STS: variants seen among roughly 807,000 people sequenced by gnomAD.
The protein encoded by STS is steryl-sulfatase.
STS carries 7 observed loss-of-function variants against 26.8 expected under a neutral mutation model. The observed-to-expected ratio is 0.26, with a 90% CI of 0.15 to 0.49. STS has a LOEUF of 0.49. Ranked by LOEUF, STS falls within the 20% of genes least tolerant of loss-of-function variation. The pLI is 0.98. For missense variants in STS, 434 were observed against 465.6 expected (o/e 0.93, Z 0.63); for synonymous variants, 199 against 189.4 (o/e 1.05, Z -0.42).
intron 2 of STS, among the ~76,000 whole-genome samples, chrX:7,225,596 A>G (rs1921765254): frequency 9.0e-6 from 1 of 111,289 alleles, no homozygotes; most frequent in Non-Finnish European, 1.9e-5. Context: ...TTTGCCTAGT[A>G]CTACCAAAAT....
At chrX:7,264,375 G>A (rs1923898156) in intron 6 of STS, among the ~76,000 whole-genome samples, 1 of 112,760 alleles carries the variant, frequency 8.9e-6, no homozygotes, top group African/African-American at 3.2e-5. Context: ...AGATACTGCA[G>A]AGTTAGTGCC....
At chrX:7,336,239 G>GCCCCCCCCCCCC (rs778077403) in intron 10 of STS, among the ~76,000 whole-genome samples, 73 of 88,637 alleles carry the variant, frequency 8.2e-4, no homozygotes, top group Non-Finnish European at 1.1e-3. Context: ...ACCTAGGACT[G>GCCCCCCCCCCCC]CCCCCCCCAC....
chrX:7,235,633 C>T (rs1256696806), intron 2 of STS, among the ~76,000 whole-genome samples: 2 of 111,564 alleles, frequency 1.8e-5, no homozygotes, highest in Non-Finnish European at 3.8e-5. Context: ...ATTGGCCAGA[C>T]AGACACAGTG....
At chrX:7,188,586 G>C (rs1450131837) in intron 1 of STS, among the ~76,000 whole-genome samples, 1 of 111,625 alleles carries the variant, frequency 9.0e-6, no homozygotes, top group African/African-American at 3.3e-5. Context: ...TGTAAGTATA[G>C]GCTCTTCGTG....
intron 9 of STS, among the ~76,000 whole-genome samples, chrX:7,327,797 G>A (rs1927552504): frequency 9.0e-6 from 1 of 111,709 alleles, no homozygotes; most frequent in Non-Finnish European, 1.9e-5. Context: ...ATCAATAGGA[G>A]GATTAAAAAC....
intron 8 of STS, among the ~76,000 whole-genome samples, chrX:7,318,396 AC>A (rs1371762227): frequency 9.0e-6 from 1 of 111,438 alleles, no homozygotes; most frequent in African/African-American, 3.3e-5. Context: ...AAGCAAGGGC[AC>A]TTGCTCATCA....
intron 10 of STS, among the ~76,000 whole-genome samples, chrX:7,340,802 A>C (rs988945303): frequency 3.6e-5 from 4 of 112,243 alleles, no homozygotes; most frequent in African/African-American, 1.3e-4. Context: ...AGAATGTGAC[A>C]GCTTCATCTT....
rs149702596 is a variant in STS at position 7,205,306 on chromosome X, A to C, written c.-5+14298A>C. Reference sequence around the variant, plus strand: ...AATGTAATTATTGCAATTATTATTCATCACGTTTTGTTGTTCCCCCCAAGC... The same window carrying C: ...AATGTAATTATTGCAATTATTATTCCTCACGTTTTGTTGTTCCCCCCAAGC... On this transcript the variant is annotated intron_variant, in intron 2 of 10. Coordinates refer to ENST00000674429, the MANE Select transcript of STS (RefSeq NM_001320752.2). Among the ~76,000 whole-genome samples, 612 of 112,183 alleles carry C rather than the reference A, an allele frequency of 5.5e-3. 4 individuals carry two copies. The highest frequency in any genetic ancestry group is 0.019 in the African/African-American group (584 of 30,865).
At chrX:7,227,820 T>G (rs1246938222) in intron 2 of STS, among the ~76,000 whole-genome samples, 1 of 111,987 alleles carries the variant, frequency 8.9e-6, no homozygotes, top group Non-Finnish European at 1.9e-5. Flanking sequence ...TCTCTGGACT[T>G]AATCCATCTT....
intron 2 of STS, among the ~76,000 whole-genome samples, chrX:7,192,483 G>A (rs754398575): frequency 9.1e-6 from 1 of 109,781 alleles, no homozygotes; most frequent in African/African-American, 3.3e-5. Flanking sequence ...ATAATCGCTT[G>A]AACCCCGGGG....
At chrX:7,222,184 T>C (rs1338381904) in intron 2 of STS, among the ~76,000 whole-genome samples, 4 of 112,026 alleles carry the variant, frequency 3.6e-5, no homozygotes, top group African/African-American at 1.3e-4. Flanking sequence ...TCCAGGACTG[T>C]GAGCAATATA....
At chrX:7,225,329 A>G (rs1921751610) in intron 2 of STS, among the ~76,000 whole-genome samples, 1 of 111,605 alleles carries the variant, frequency 9.0e-6, no homozygotes, top group Non-Finnish European at 1.9e-5. Context: ...GGCTCAGTGC[A>G]TAGTGGGGCT....
chrX:7,273,713 T>C (rs766861920), intron 6 of STS, among the ~76,000 whole-genome samples: 3 of 111,789 alleles, frequency 2.7e-5, no homozygotes, highest in African/African-American at 9.8e-5. Flanking sequence ...CCCTTTATCT[T>C]TGGGTCTTCA....
intron 2 of STS, among the ~76,000 whole-genome samples, chrX:7,230,686 G>A (rs2147059083): frequency 9.0e-6 from 1 of 111,396 alleles, no homozygotes; most frequent in African/African-American, 3.3e-5. Context: ...AGCAAGTGAA[G>A]GAGGAAGAGC....
At chrX:7,347,986 C>A (rs766167390) in intron 10 of STS, among the ~76,000 whole-genome samples, 14 of 112,018 alleles carry the variant, frequency 1.2e-4, no homozygotes, top group African/African-American at 4.5e-4. Flanking sequence ...ATTCTTCCTG[C>A]AGCCTGGCGT....
chrX:7,324,275 G>C (rs1160008004), intron 8 of STS, among the ~76,000 whole-genome samples: 1 of 110,696 alleles, frequency 9.0e-6, no homozygotes, highest in Non-Finnish European at 1.9e-5. Flanking sequence ...AGAAGGGAGT[G>C]TCTGGGTTAA....
At chrX:7,252,333 C>T (rs1275971268) in intron 2 of STS, 2 of 742,526 alleles carry the variant, frequency 2.7e-6, no homozygotes, top group Non-Finnish European at 3.2e-6. Flanking sequence ...AGAAGGACAT[C>T]GATATTGAGT....
At chrX:7,219,718 G>T in intron 2 of STS, 1 of 1,208,200 alleles carries the variant, frequency 8.3e-7, no homozygotes, top group Non-Finnish European at 1.1e-6. Flanking sequence ...CAGGCTGGGA[G>T]TTTTTAACCC....
chrX:7,296,484 T>C (rs1172059273), intron 7 of STS, among the ~76,000 whole-genome samples: 2 of 112,160 alleles, frequency 1.8e-5, no homozygotes, highest in East Asian at 5.7e-4. Flanking sequence ...CACTCTATTG[T>C]GATGTCGATA....
Sources: allele counts gnomAD v4.1 joint callset (sites outside exome capture counted in the v4.1 genomes callset), GRCh38; gene constraint gnomAD v4.1.1; transcripts MANE v1.5; gene names NCBI Gene and HGNC (gene_info 2026-07-23, HGNC 2026-07-21).